FOXN3: variants seen among roughly 807,000 people sequenced by gnomAD.
The protein encoded by FOXN3 is forkhead box N3.
A neutral mutation model predicts 38.4 loss-of-function variants in FOXN3; 7 were observed. That is an observed-to-expected ratio of 0.18 (90% CI 0.10 to 0.34). FOXN3 has a LOEUF of 0.34. FOXN3 is among the 10% of genes least tolerant of loss of function. FOXN3 has a pLI of 1.00. For synonymous variants in FOXN3, 230 were observed against 242.2 expected (o/e 0.95, Z 0.47); for missense variants, 456 against 613.4 (o/e 0.74, Z 2.71).
At chr14:89,391,307 C>T (rs576686282) in intron 2 of FOXN3, among the ~76,000 whole-genome samples, 31 of 152,270 alleles carry the variant, frequency 2.0e-4, no homozygotes, top group African/African-American at 7.5e-4. Flanking sequence ...GACAAAAGTG[C>T]CTTCAGATGT....
chr14:89,537,709 T>C (rs1894717598), intron 1 of FOXN3, among the ~76,000 whole-genome samples: 1 of 152,188 alleles, frequency 6.6e-6, no homozygotes, highest in African/African-American at 2.4e-5. Flanking sequence ...GGTGAATCAA[T>C]CTCTAGATCC....
intron 3 of FOXN3, among the ~76,000 whole-genome samples, chr14:89,327,689 G>T (rs375131763): frequency 6.6e-6 from 1 of 152,174 alleles, no homozygotes; most frequent in Non-Finnish European, 1.5e-5. Context: ...CTAGGCTTCT[G>T]ACCATACCAG....
chr14:89,523,183 G>C (rs1894357452), intron 1 of FOXN3, among the ~76,000 whole-genome samples: 1 of 152,120 alleles, frequency 6.6e-6, no homozygotes, highest in African/African-American at 2.4e-5. Flanking sequence ...TAAATGTCTA[G>C]ACACCTAATA....
At chr14:89,313,121 G>A (rs1887610893) in intron 3 of FOXN3, among the ~76,000 whole-genome samples, 1 of 152,146 alleles carries the variant, frequency 6.6e-6, no homozygotes, top group African/African-American at 2.4e-5. Context: ...TTTATTACCA[G>A]GCAAGGGTGC....
rs564181027 is a variant in FOXN3 at position 89,546,986 on chromosome 14, T to C, written c.-15+72042A>G. Among the ~76,000 whole-genome samples the C allele has an allele frequency of 1.9e-3, 290 of 152,114 alleles. 1 individual carries two copies. The highest frequency in any genetic ancestry group is 6.3e-3 in the African/African-American group (263 of 41,522). On this transcript the variant is annotated intron_variant, in intron 1 of 6. Transcript: ENST00000345097. ...TTTTAGTAGAGACGGGGTTTCACCA[T>C]GTTGGCCAGGCTGGTCTCGAACTCC...
At chr14:89,244,567 G>T (rs1885236151) in intron 4 of FOXN3, among the ~76,000 whole-genome samples, 1 of 152,168 alleles carries the variant, frequency 6.6e-6, no homozygotes, top group South Asian at 2.1e-4. Context: ...AATACAAAAA[G>T]AAATTGGCCC....
At chr14:89,607,537 C>T (rs1038166171) in intron 1 of FOXN3, among the ~76,000 whole-genome samples, 22 of 145,894 alleles carry the variant, frequency 1.5e-4, no homozygotes, top group African/African-American at 2.6e-4. Context: ...CCAGCCTAGA[C>T]GACAGAGCAA....
rs1347450359 is a variant in FOXN3, at chr14:89,363,969, TATATATATATATATATATA to T, written c.544-13180_544-13162del. On this transcript the variant is annotated intron_variant, in intron 2 of 5. Coordinates refer to ENST00000557258, the MANE Select transcript of FOXN3 (RefSeq NM_005197.4). ...TAAAATATATATATATATATATATA[TATATATATATATATATATA>T]ATATATATATATATTCTTCCATATC... is the stretch of plus-strand genomic sequence containing the variant. Among the ~76,000 whole-genome samples the T allele has an allele frequency of 1.3e-3, 119 of 95,016 alleles. 3 individuals carry two copies. The highest frequency in any genetic ancestry group is 5.7e-3 in the African/African-American group (112 of 19,794). The allele number at this position is 95,016 out of a possible 152,430, so 62.3% of individuals were successfully genotyped here.
At chr14:89,172,959 G>T (rs778621771) in intron 5 of FOXN3, among the ~76,000 whole-genome samples, 2 of 152,038 alleles carry the variant, frequency 1.3e-5, no homozygotes, top group South Asian at 4.1e-4. Flanking sequence ...AAATTTTTAA[G>T]ACACCAGATT....
intron 3 of FOXN3, among the ~76,000 whole-genome samples, chr14:89,347,952 C>CAAA (rs5810456): frequency 6.6e-6 from 1 of 150,946 alleles, no homozygotes; most frequent in South Asian, 2.1e-4. Context: ...GACTCCGTCT[C>CAAA]AAAAAAAAGC....
chr14:89,333,948 A>G (rs1888344713), intron 3 of FOXN3, among the ~76,000 whole-genome samples: 1 of 144,158 alleles, frequency 6.9e-6, no homozygotes, highest in Non-Finnish European at 1.5e-5. Context: ...AGATAAATTA[A>G]TGAAGAAAAT....
At chr14:89,379,241 G>T (rs1403770618) in intron 2 of FOXN3, among the ~76,000 whole-genome samples, 1 of 152,148 alleles carries the variant, frequency 6.6e-6, no homozygotes, top group African/African-American at 2.4e-5. Context: ...TTCACTCGGG[G>T]ACCTTCCCTG....
At chr14:89,463,666 C>T (rs1892904026) in intron 1 of FOXN3, among the ~76,000 whole-genome samples, 2 of 152,190 alleles carry the variant, frequency 1.3e-5, no homozygotes, top group South Asian at 4.1e-4. Flanking sequence ...CAGCCTCAGC[C>T]ACTGGAGCCT....
At chr14:89,216,869 C>T (rs1448467273) in intron 4 of FOXN3, among the ~76,000 whole-genome samples, 7 of 152,214 alleles carry the variant, frequency 4.6e-5, no homozygotes, top group African/African-American at 1.7e-4. Context: ...TCAAAACCTT[C>T]CACAGCCATC....
chr14:89,570,904 C>T (rs1238600651), intron 1 of FOXN3, among the ~76,000 whole-genome samples: 1 of 152,104 alleles, frequency 6.6e-6, no homozygotes, highest in Non-Finnish European at 1.5e-5. Context: ...TACAACAAAT[C>T]CATAACCACT....
intron 4 of FOXN3, among the ~76,000 whole-genome samples, chr14:89,203,626 G>A (rs781450419): frequency 6.6e-5 from 10 of 152,198 alleles, no homozygotes; most frequent in Non-Finnish European, 1.0e-4. Flanking sequence ...GCGGGGGCGT[G>A]TGGTATGAAT....
chr14:89,199,916 CAACAACAACAACAAA>C (rs1207871645), intron 4 of FOXN3, among the ~76,000 whole-genome samples: 30 of 152,122 alleles, frequency 2.0e-4, no homozygotes, highest in African/African-American at 6.5e-4. Context: ...ACAACAACAA[CAACAACAACAACAAA>C]AACAACAACA....
chr14:89,162,894 G>T lies in FOXN3; in HGVS notation c.927C>A (p.Pro309=). ...CACTGCTGTAGTTGTGATCCTCCTTGGGGTCTCCGCTGACCACTGGGGAGC... is the reference window on the plus strand; with the variant it reads ...CACTGCTGTAGTTGTGATCCTCCTTTGGGTCTCCGCTGACCACTGGGGAGC... ...SCGSPVVSGD[P]KEDHNYSSAK... is the part of the protein sequence containing the mutation. Residue 309 remains proline, a synonymous_variant, in exon 6 of 6, where the codon CCC becomes CCA. Transcript: ENST00000557258. This position sits in a 1 kb window ranked among gnomAD's most constrained non-coding sequence, Gnocchi z 7.2. 6.2e-7 allele frequency: 1 copy of T among 1,608,572 alleles called. No homozygotes were observed. Among genetic ancestry groups the T allele is most frequent in the East Asian group, 2.2e-5 (1 of 44,778 alleles).
intron 2 of FOXN3, among the ~76,000 whole-genome samples, chr14:89,406,636 A>G (rs751551761): frequency 6.6e-6 from 1 of 152,192 alleles, no homozygotes; most frequent in African/African-American, 2.4e-5. Context: ...GAAAGCACAA[A>G]GCAAGCATGC....
Sources: allele counts gnomAD v4.1 joint callset (sites outside exome capture counted in the v4.1 genomes callset), GRCh38; gene constraint gnomAD v4.1.1; non-coding constraint Gnocchi (gnomAD v3.1); transcripts MANE v1.5; gene names NCBI Gene and HGNC (gene_info 2026-07-23, HGNC 2026-07-21).